TTC19: variants seen among roughly 807,000 people sequenced by gnomAD.
TTC19 encodes the protein tetratricopeptide repeat protein 19, mitochondrial.
A neutral mutation model predicts 49.5 loss-of-function variants in TTC19; 38 were observed. That is an observed-to-expected ratio of 0.77 (90% CI 0.59 to 1.01). The LOEUF is 1.01. Ranked by LOEUF, TTC19 falls within the 50% of genes least tolerant of loss-of-function variation. The probability of loss-of-function intolerance (pLI) is 0.00; values close to 1 mark genes in which losing one functional copy is unlikely to be tolerated. For synonymous variants in TTC19, 204 were observed against 185.2 expected, an observed-to-expected ratio of 1.10 and a Z score of -0.83; for missense variants, 475 against 477.7, an observed-to-expected ratio of 0.99 and a Z score of 0.05.
At chr17:16,043,090 A>T (rs1478908720) in intron 2 of TTC19, among the ~76,000 whole-genome samples, 1 of 152,252 alleles carries the variant, frequency 6.6e-6, no homozygotes, top group Non-Finnish European at 1.5e-5. Flanking sequence ...GAGAAGAAAC[A>T]GGAGAACATG....
chr17:16,037,893 A>G (rs1008396278), intron 2 of TTC19, among the ~76,000 whole-genome samples: 16 of 152,214 alleles, frequency 1.1e-4, no homozygotes, highest in African/African-American at 3.9e-4. Context: ...GGTCATCAGC[A>G]AATTTTTTCC....
chr17:16,024,395 A>C (rs1314408324), intron 7 of TTC19: 1 of 152,196 alleles, frequency 6.6e-6, no homozygotes, highest in African/African-American at 2.4e-5. Context: ...TCCTGGGTTC[A>C]CGCCATTCCC....
intron 3 of TTC19, among the ~76,000 whole-genome samples, 164 bp downstream of exon 3, chr17:16,002,189 G>C (rs1469476953): frequency 6.6e-6 from 1 of 151,954 alleles, no homozygotes; most frequent in African/African-American, 2.4e-5. Flanking sequence ...GTTTTGTTTT[G>C]TTTTTTTGAG....
In TTC19 at chr17:15,999,837, C is replaced by T. The variant is rs751788926; in HGVS notation, c.-12C>T. The T allele has an allele frequency of 3.3e-6, 5 of 1,532,394 alleles. No homozygotes were observed. In the Admixed American group the frequency reaches 5.9e-5, roughly 18 times the overall value. 94.9% of individuals were successfully genotyped at this position (1,532,394 alleles called of 1,614,324 possible). A position where few individuals can be genotyped will look rare whatever the true frequency, so the allele number is the denominator to read the frequency against. ...CGTCTGGCCTGCAGTGCGCAGAGGA[C>T]GCGGCGGGAGCATGTTCCGGCTCCT... On this transcript the variant is annotated 5_prime_UTR_variant, in exon 1 of 10. It adds an upstream start codon to the 5' untranslated region. Transcript: ENST00000261647.
chr17:16,040,675 C>A, intron 2 of TTC19: 2 of 633,246 alleles, frequency 3.2e-6, no homozygotes, highest in South Asian at 1.6e-5. Flanking sequence ...CAGGGTCTCA[C>A]TCTGTTGCCC....
At chr17:16,034,881 G>A in intron 2 of TTC19, 1 of 1,614,064 alleles carries the variant, frequency 6.2e-7, no homozygotes, top group Non-Finnish European at 8.5e-7. Flanking sequence ...GCCTTGCCCA[G>A]GTATAGGAGA....
intron 7 of TTC19, among the ~76,000 whole-genome samples, chr17:16,012,356 T>TGTAG (rs1246220720): frequency 6.6e-6 from 1 of 151,992 alleles, no homozygotes; most frequent in African/African-American, 2.4e-5. Flanking sequence ...GTTGCGCACT[T>TGTAG]GTAGTCCCAG....
intron 7 of TTC19, among the ~76,000 whole-genome samples, chr17:16,007,068 G>A (rs1036249899): frequency 2.0e-5 from 3 of 152,180 alleles, no homozygotes; most frequent in Non-Finnish European, 4.4e-5. Flanking sequence ...TTGGGTTGAA[G>A]TATTGAGAAT....
chr17:16,036,114 G>T (rs2056309035), intron 2 of TTC19, among the ~76,000 whole-genome samples: 1 of 152,218 alleles, frequency 6.6e-6, no homozygotes, highest in Admixed American at 6.5e-5. Context: ...AATAAGACTT[G>T]AAAGTAGAAA....
intron 7 of TTC19, chr17:16,023,988 A>C (rs1416511881): frequency 6.6e-6 from 1 of 152,260 alleles, no homozygotes. Flanking sequence ...CTCTTTTTCT[A>C]GTCTTTTATT....
chr17:16,027,396 G>C lies in TTC19; in HGVS notation c.1017G>C (p.Glu339Asp), dbSNP rs3207384. Residue 339 changes from glutamate (E) to aspartate (D), a missense_variant, in exon 10 of 10, where the codon GAG becomes GAC. By Grantham distance (45) the Glu-to-Asp change is conservative (BLOSUM62 2). Coordinates refer to ENST00000261647, the MANE Select transcript of TTC19 (RefSeq NM_017775.4). ...TAGAACGATATACACAAGCAAAAGA[G>C]ATCTACCAGGAAGCACTGAAGCAAG... The part of the protein sequence containing the change: ...MHRERYTQAK[E>D]IYQEALKQAK... The C allele has an allele frequency of 1.9e-6, 3 of 1,614,072 alleles. No individual in the cohort carries two copies. The highest frequency in any genetic ancestry group is 1.7e-6 in the Non-Finnish European group (2 of 1,179,950).
At chr17:16,017,317 C>T (rs1173525974) in intron 7 of TTC19, among the ~76,000 whole-genome samples, 3 of 152,008 alleles carry the variant, frequency 2.0e-5, no homozygotes, top group Admixed American at 6.5e-5. Flanking sequence ...GGCATGGTGA[C>T]GGGTGCCTAT....
At chr17:16,022,497 A>C (rs1008785974) in intron 7 of TTC19, among the ~76,000 whole-genome samples, 1 of 152,236 alleles carries the variant, frequency 6.6e-6, no homozygotes, top group African/African-American at 2.4e-5. Context: ...GGCAACAAAT[A>C]TCTCTAGTTT....
chr17:16,027,845 G>GT lies in TTC19; in HGVS notation c.*324dup, dbSNP rs1448001214. On this transcript the variant is annotated 3_prime_UTR_variant, in exon 10 of 10. Coordinates refer to ENST00000261647, the MANE Select transcript of TTC19 (RefSeq NM_017775.4). The stretch of plus-strand genomic sequence containing the variant: ...GCTGGTGTTCCTGTGCGCTGTGGGT[G>GT]TGGTGATTCAGCCTGGCATTTCTAC... The GT allele has an allele frequency of 6.2e-6, 3 of 483,002 alleles. No homozygotes were observed. In the East Asian group the frequency reaches 1.7e-4, roughly 27 times the overall value. 29.9% of individuals were successfully genotyped at this position (483,002 alleles called of 1,614,324 possible).
At position 16,000,152 on chromosome 17, in the gene TTC19, G is replaced by A; in HGVS notation, c.219G>A (p.Glu73=). 1 of 1,585,326 alleles carries A rather than the reference G, an allele frequency of 6.3e-7. No homozygotes were observed. The highest frequency in any genetic ancestry group is 1.1e-5 in the South Asian group (1 of 89,762). Reference sequence around the variant, plus strand: ...GGTTCTCGAGGCCCGCTGCGGCAGAGGAGGAGGAGCAGCAGGGAGCCGACG... The same window carrying A: ...GGTTCTCGAGGCCCGCTGCGGCAGAAGAGGAGGAGCAGCAGGGAGCCGACG... ...LAWFSRPAAA[E]EEEQQGADGA... The change falls in exon 2 of 10, where the codon GAG becomes GAA. Residue 73 remains glutamate, a synonymous_variant. Coordinates refer to ENST00000261647, the MANE Select transcript of TTC19 (RefSeq NM_017775.4).
chr17:16,040,340 A>G (rs1366822565), intron 2 of TTC19: 1 of 938,872 alleles, frequency 1.1e-6, no homozygotes, highest in South Asian at 1.3e-5. Flanking sequence ...ATATTAGAGC[A>G]GTCACTCCCC....
In TTC19 at chr17:16,026,591, T is replaced by G. The variant is rs1296595475; in HGVS notation, c.883T>G (p.Phe295Val). ...TACTACCCTGGATGCACAGGGCCGC[T>G]TTGATGAGGCCTATATTTATATGCA... is the stretch of plus-strand genomic sequence containing the variant. ...LATTLDAQGR[F>V]DEAYIYMQRA... Residue 295 changes from phenylalanine (F) to valine (V), a missense_variant, in exon 9 of 10, where the codon TTT becomes GTT. By Grantham distance (50) the Phe-to-Val change is conservative (BLOSUM62 -1). Transcript: ENST00000261647. 2 of 1,614,146 alleles carry G rather than the reference T, an allele frequency of 1.2e-6. No homozygotes were observed. Among genetic ancestry groups the G allele is most frequent in the Non-Finnish European group, 8.5e-7 (1 of 1,180,008 alleles).
At chr17:16,020,522 T>C (rs1390252614) in intron 7 of TTC19, among the ~76,000 whole-genome samples, 2 of 152,208 alleles carry the variant, frequency 1.3e-5, no homozygotes, top group African/African-American at 2.4e-5. Context: ...CTTCATAGTT[T>C]GTGCTTCTTA....
At position 16,006,544 on chromosome 17, in the gene TTC19, G is replaced by A. The variant is rs1273740037; in HGVS notation, c.652G>A (p.Glu218Lys). ...AGAGGAAAAAATTGAAAGAGAAAAG[G>A]AATTAGCAGAAGACATTATGTCAGG... is the stretch of plus-strand genomic sequence containing the variant. The part of the protein sequence containing the change: ...TLEEKIEREK[E>K]LAEDIMSVEE... Residue 218 changes from glutamate (E) to lysine (K), a missense_variant, in exon 7 of 10, where the codon GAA (glutamate) becomes AAA (lysine). Physicochemically the swap from Glu to Lys is moderately conservative, Grantham distance 56. Coordinates refer to ENST00000261647, the MANE Select transcript of TTC19 (RefSeq NM_017775.4). 6.2e-7 allele frequency: 1 copy of A among 1,612,046 alleles called. No homozygotes were observed. Among genetic ancestry groups the A allele is most frequent in the Non-Finnish European group, 8.5e-7 (1 of 1,178,122 alleles).
Sources: allele counts gnomAD v4.1 joint callset (sites outside exome capture counted in the v4.1 genomes callset), GRCh38; gene constraint gnomAD v4.1.1; transcripts MANE v1.5; gene names NCBI Gene and HGNC (gene_info 2026-07-23, HGNC 2026-07-21).